FRY: variants seen among roughly 807,000 people sequenced by gnomAD.
FRY encodes the protein FRY microtubule binding protein.
FRY carries 128 observed loss-of-function variants against 348.4 expected under a neutral mutation model. The observed-to-expected ratio is 0.37, with a 90% CI of 0.32 to 0.43. The LOEUF (loss-of-function observed/expected upper bound fraction) is 0.43. Among genes scored for constraint, FRY ranks in the 20% least tolerant of loss-of-function variants. The pLI is 1.00. For synonymous variants in FRY, 1,370 were observed against 1,374.7 expected (o/e 1.00, Z 0.08); for missense variants, 2,736 against 3,695.2 (o/e 0.74, Z 6.73).
rs1213840372 is a variant in FRY at position 32,178,420 on chromosome 13, C to A, written c.2665C>A (p.Pro889Thr). 6.2e-7 allele frequency: 1 copy of A among 1,614,106 alleles called. No individual in the cohort carries two copies. Among genetic ancestry groups the A allele is most frequent in the South Asian group, 1.1e-5 (1 of 91,076 alleles). The change falls in exon 21 of 61, where the codon CCT becomes ACT. Residue 889 changes from proline to threonine, a missense_variant. By Grantham distance (38) the Pro-to-Thr change is conservative. Around this residue, in one of 9 missense-constraint regions of FRY, gnomAD observed 449 missense variants for 576.9 expected, o/e 0.78. Transcript: ENST00000542859. ...CTTCACTCGGCTCCAGTCGGTGATGCCTCTGGTGGACCCAAAGTAAGGGAT... is the reference window on the plus strand; with the variant it reads ...CTTCACTCGGCTCCAGTCGGTGATGACTCTGGTGGACCCAAAGTAAGGGAT... ...YAFTRLQSVM[P>T]LVDPNSPINA...
chr13:32,157,408 G>A lies in FRY; in HGVS notation c.1784+3G>A, dbSNP rs1566102159. The A allele has an allele frequency of 6.2e-7, 1 of 1,612,516 alleles. No individual in the cohort carries two copies. The highest frequency in any genetic ancestry group is 1.1e-5 in the South Asian group (1 of 91,054). ...AAAGAACCGGAAGACATGATCACGT[G>A]AGTACAGTAAAGACTAAGTTATCAG... On this transcript the variant is annotated splice_donor_region_variant and intron_variant, in intron 16 of 60. Transcript: ENST00000542859.
chr13:32,234,444 T>G, intron 41 of FRY, 130 bp from the exon 42 acceptor site: 1 of 820,708 alleles, frequency 1.2e-6, no homozygotes. Flanking sequence ...AAAAAAATGG[T>G]TGACTTGTAA....
intron 1 of FRY, among the ~76,000 whole-genome samples, chr13:32,072,455 G>A (rs993419469): frequency 2.0e-5 from 3 of 151,812 alleles, no homozygotes; most frequent in Non-Finnish European, 2.9e-5. Flanking sequence ...CAACATTTTT[G>A]ATTTCTTAAT....
chr13:32,228,794 G>A, intron 40 of FRY, 140 bp downstream of exon 40: 1 of 761,632 alleles, frequency 1.3e-6, no homozygotes, highest in Admixed American at 2.0e-5. Context: ...AACTGCTGGA[G>A]TCTGTGTGAA....
At chr13:32,251,242 T>C (rs1367426915) in intron 49 of FRY, among the ~76,000 whole-genome samples, 1 of 152,206 alleles carries the variant, frequency 6.6e-6, no homozygotes, top group Non-Finnish European at 1.5e-5. Flanking sequence ...GAAGAATCCC[T>C]ATGGTCAAGG....
intron 3 of FRY, among the ~76,000 whole-genome samples, chr13:32,108,326 T>C (rs1234490136): frequency 6.6e-6 from 1 of 152,112 alleles, no homozygotes; most frequent in Non-Finnish European, 1.5e-5. Flanking sequence ...ATCGATAGGA[T>C]TTGCTGAGTG....
chr13:32,277,267 T>C (rs1888578903), intron 57 of FRY, among the ~76,000 whole-genome samples: 1 of 152,360 alleles, frequency 6.6e-6, no homozygotes, highest in Non-Finnish European at 1.5e-5. Flanking sequence ...TAACGGTTAG[T>C]GACCTTGAAT....
intron 55 of FRY, among the ~76,000 whole-genome samples, chr13:32,274,509 C>G (rs551694856): frequency 3.3e-5 from 5 of 151,700 alleles, no homozygotes; most frequent in Non-Finnish European, 7.4e-5. Flanking sequence ...TCGAGACCAT[C>G]CTGGCTAACA....
chr13:32,114,190 T>C (rs1334070355), intron 3 of FRY, among the ~76,000 whole-genome samples: 1 of 152,206 alleles, frequency 6.6e-6, no homozygotes, highest in Non-Finnish European at 1.5e-5. Context: ...CCCACACAAG[T>C]ATTTTTTGAA....
intron 16 of FRY, among the ~76,000 whole-genome samples, chr13:32,158,714 T>C (rs1881257928): frequency 6.6e-6 from 1 of 151,994 alleles, no homozygotes; most frequent in African/African-American, 2.4e-5. Flanking sequence ...GGTCAAGAGT[T>C]CAAGACCAGC....
Position 32,231,284 on chromosome 13 carries a change from TAAAGATTCC to T in FRY, c.5515_5523del (p.Asp1839_Lys1841del). ...TTCTACGTCACGTTGTATCTGTATT[TAAAGATTCC>T]AAATCAGGTACTTCATCTTATTTGC... On this transcript the variant is annotated inframe_deletion, in exon 41 of 61. Coordinates refer to ENST00000542859, the MANE Select transcript of FRY (RefSeq NM_023037.3). The T allele has an allele frequency of 6.2e-7, 1 of 1,613,672 alleles. No individual in the cohort carries two copies. The highest frequency in any genetic ancestry group is 1.1e-5 in the South Asian group (1 of 91,072).
At chr13:32,088,000 GGTT>G (rs1240973491) in intron 2 of FRY, among the ~76,000 whole-genome samples, 1 of 152,130 alleles carries the variant, frequency 6.6e-6, no homozygotes, top group Non-Finnish European at 1.5e-5. Flanking sequence ...TTTGCAAGTT[GGTT>G]GTTTTTCTGC....
chr13:32,071,733 G>A (rs893809847), intron 1 of FRY, among the ~76,000 whole-genome samples: 1 of 152,086 alleles, frequency 6.6e-6, no homozygotes, highest in African/African-American at 2.4e-5. Flanking sequence ...GGGGGACAGG[G>A]AAATTGGGAG....
At chr13:32,259,616 G>A (rs1181588237) in intron 51 of FRY, among the ~76,000 whole-genome samples, 2 of 152,172 alleles carry the variant, frequency 1.3e-5, no homozygotes, top group African/African-American at 2.4e-5. Context: ...CAGTCATTTG[G>A]CACAAGAGAG....
intron 1 of FRY, among the ~76,000 whole-genome samples, chr13:32,041,247 A>G (rs981414972): frequency 6.9e-6 from 1 of 145,132 alleles, no homozygotes; most frequent in Non-Finnish European, 1.5e-5. Context: ...TAGCTATAGT[A>G]TCACTTGTTC....
intron 4 of FRY, among the ~76,000 whole-genome samples, chr13:32,120,248 C>T (rs1363025885): frequency 2.0e-5 from 3 of 151,910 alleles, no homozygotes; most frequent in East Asian, 1.9e-4. Context: ...GAGAAATTGC[C>T]GATAAATAGA....
At position 32,274,947 on chromosome 13, in the gene FRY, A is replaced by G. The variant is rs746858179; in HGVS notation, c.8242A>G (p.Thr2748Ala). 22 of 1,613,522 alleles carry G rather than the reference A, an allele frequency of 1.4e-5. No homozygotes were observed. The highest frequency in any genetic ancestry group is 1.8e-5 in the Non-Finnish European group (21 of 1,179,724). Residue 2748 changes from threonine to alanine, a missense_variant, in exon 56 of 61, where the codon ACC (threonine) becomes GCC (alanine). By Grantham distance (58) the Thr-to-Ala change is moderately conservative. Transcript: ENST00000542859. ...SKFVSSSQML[T>A]SCSECPTLFV... ...ATTTGTCAGCTCTTCCCAGATGCTC[A>G]CCTCCTGCTCTGAATGTCCTACACT...
intron 11 of FRY, among the ~76,000 whole-genome samples, chr13:32,141,621 A>G (rs1430861761): frequency 2.0e-5 from 3 of 152,226 alleles, no homozygotes; most frequent in Non-Finnish European, 4.4e-5. Flanking sequence ...GAATCTGCAT[A>G]TTTATAAGCA....
chr13:32,131,646 A>T, intron 7 of FRY, 26 bp from the exon 8 acceptor site: 1 of 1,593,468 alleles, frequency 6.3e-7, no homozygotes, highest in Non-Finnish European at 8.6e-7. Flanking sequence ...CCAATATTTG[A>T]TAAACCACTT....
Sources: allele counts gnomAD v4.1 joint callset (sites outside exome capture counted in the v4.1 genomes callset), GRCh38; gene constraint gnomAD v4.1.1; regional missense constraint gnomAD v4.1.1; transcripts MANE v1.5; gene names NCBI Gene and HGNC (gene_info 2026-07-23, HGNC 2026-07-21).